OTUD5: variants seen among roughly 807,000 people sequenced by gnomAD.
OTUD5 encodes OTU deubiquitinase 5.
A neutral mutation model predicts 36.3 loss-of-function variants in OTUD5; 2 were observed. That is an observed-to-expected ratio of 0.06 (90% confidence interval 0.02 to 0.17). OTUD5 has a LOEUF of 0.17. OTUD5 is among the 10% of genes least tolerant of loss of function. The probability of loss-of-function intolerance (pLI) is 1.00; values close to 1 mark genes in which losing one functional copy is unlikely to be tolerated. For missense variants in OTUD5, 233 were observed against 512.3 expected, an observed-to-expected ratio of 0.45 and a Z score of 5.26; for synonymous variants, 234 against 214.9, an observed-to-expected ratio of 1.09 and a Z score of -0.78.
At position 48,934,446 on chromosome X, in the gene OTUD5, G is replaced by A. The variant is rs897861289; in HGVS notation, c.1059+18C>T. ...CCTCTATATCCAGCAGCCATTCTGG[G>A]CACAGGGACCCACTCACCCCTGGTT... On this transcript the variant is annotated intron_variant, in intron 5 of 8. Transcript: ENST00000376488. 7.5e-6 allele frequency: 9 copies of A among 1,202,575 alleles called. No homozygotes were observed. The South Asian group carries it at 1.6e-4, about 21-fold the overall frequency.
rs2063617811 is a variant in OTUD5 at position 48,923,699 on chromosome X, G to T, written c.1513C>A (p.Leu505Ile). 1.7e-6 allele frequency: 2 copies of T among 1,209,240 alleles called. No homozygotes were observed. The highest frequency in any genetic ancestry group is 5.9e-5 in the East Asian group (2 of 33,818). The change falls in exon 8 of 9, where the codon CTT (leucine) becomes ATT (isoleucine). Residue 505 changes from leucine to isoleucine, a missense_variant. Physicochemically the swap from Leu to Ile is conservative, Grantham distance 5. Coordinates refer to ENST00000376488, the MANE Select transcript of OTUD5 (RefSeq NM_001136157.2). ...TCCAAAGCAGGGTAGAGGGACACAAGGGGGGAAGTTGCCCGGTCGGCCCCT... is the reference window on the plus strand; with the variant it reads ...TCCAAAGCAGGGTAGAGGGACACAATGGGGGAAGTTGCCCGGTCGGCCCCT... ...SAGADRATSP[L>I]VSLYPALECR...
intron 2 of OTUD5, among the ~76,000 whole-genome samples, chrX:48,942,297 G>GACACAC: frequency 2.3e-5 from 1 of 44,016 alleles, no homozygotes; most frequent in African/African-American, 1.0e-4. Flanking sequence ...CAGCTAGCTA[G>GACACAC]ATACACACAC....
Position 48,934,692 on chromosome X carries a change from C to A in OTUD5, c.910+19G>T. On this transcript the variant is annotated intron_variant, in intron 4 of 8. Transcript: ENST00000376488. ...GAATGAGGCACCATCTTTCCCTCAC[C>A]TACCCACTGCAGAAGTACCTGTGCT... 1 of 1,205,836 alleles carries A rather than the reference C, an allele frequency of 8.3e-7. No individual in the cohort carries two copies. Among genetic ancestry groups the A allele is most frequent in the Non-Finnish European group, 1.1e-6 (1 of 891,834 alleles).
intron 2 of OTUD5, among the ~76,000 whole-genome samples, chrX:48,942,276 CACACAG>C (rs1419897389): frequency 9.3e-5 from 9 of 97,239 alleles, no homozygotes; most frequent in African/African-American, 3.1e-4. Context: ...CACACACACA[CACACAG>C]AGAACAGCTA....
At chrX:48,930,962 CAA>C (rs372046426) in intron 5 of OTUD5, among the ~76,000 whole-genome samples, 5 of 68,790 alleles carry the variant, frequency 7.3e-5, no homozygotes, top group Non-Finnish European at 5.9e-5. Context: ...AACTCCCTCT[CAA>C]AAAAAAAAAA....
At chrX:48,951,396 C>T (rs1569516474) in intron 1 of OTUD5, among the ~76,000 whole-genome samples, 5 of 111,535 alleles carry the variant, frequency 4.5e-5, no homozygotes, top group Non-Finnish European at 7.6e-5. Context: ...GGGCGGATCA[C>T]GAAGTCAGGA....
chrX:48,956,258 GAA>G (rs1405305524), intron 1 of OTUD5, among the ~76,000 whole-genome samples: 3 of 111,242 alleles, frequency 2.7e-5, no homozygotes, highest in Non-Finnish European at 5.7e-5. Context: ...ATCTCCCTGT[GAA>G]AAGTCTTACA....
chrX:48,957,889 G>A (rs1178355329), upstream of OTUD5: 2 of 684,760 alleles, frequency 2.9e-6, no homozygotes, highest in Non-Finnish European at 3.5e-6. Flanking sequence ...CTGCTTCAAA[G>A]GAAACAGAAC....
At chrX:48,957,990 GC>G (rs1224331347), upstream of OTUD5, 8 of 174,569 alleles carry the variant, frequency 4.6e-5, no homozygotes, top group Non-Finnish European at 6.4e-5. Context: ...CCAGGGCACA[GC>G]CCCGCCCCTT....
At chrX:48,926,853 T>C (rs1284021469) in intron 5 of OTUD5, among the ~76,000 whole-genome samples, 8 of 110,734 alleles carry the variant, frequency 7.2e-5, no homozygotes, top group Admixed American at 6.7e-4. Context: ...TGGTGTGGGG[T>C]GCTATGAGTT....
intron 5 of OTUD5, among the ~76,000 whole-genome samples, chrX:48,930,207 A>G (rs1435667820): frequency 8.9e-6 from 1 of 112,587 alleles, no homozygotes; most frequent in African/African-American, 3.2e-5. Context: ...TGTAACACCA[A>G]AGGCAAAAAA....
chrX:48,946,708 C>A (rs782657230), intron 1 of OTUD5, among the ~76,000 whole-genome samples: 1 of 112,677 alleles, frequency 8.9e-6, no homozygotes, highest in South Asian at 3.6e-4. Context: ...GGTCAGCCAT[C>A]TCCCAGAGTC....
At chrX:48,925,223 A>T (rs1432697802) in intron 6 of OTUD5, among the ~76,000 whole-genome samples, 3 of 98,232 alleles carry the variant, frequency 3.1e-5, no homozygotes, top group Non-Finnish European at 6.0e-5. Flanking sequence ...GCTTGCAGTG[A>T]GCCGAGACTG....
At chrX:48,937,056 CT>C (rs1204573774) in intron 2 of OTUD5, among the ~76,000 whole-genome samples, 1 of 111,839 alleles carries the variant, frequency 8.9e-6, no homozygotes, top group Non-Finnish European at 1.9e-5. Flanking sequence ...CTCCAGTCCT[CT>C]TGGAGGTGAA....
In OTUD5 at chrX:48,936,779, T is replaced by C. The variant is rs782079054; in HGVS notation, c.689-1761A>G. On this transcript the variant is annotated intron_variant, in intron 2 of 8. Coordinates refer to ENST00000376488, the MANE Select transcript of OTUD5 (RefSeq NM_001136157.2). Reference sequence around the variant, plus strand: ...CCAGGGAGCTCTTCTCCCTGTGAAATTAAAGTGGGCCTGAAGATCATGCAA... The same window carrying C: ...CCAGGGAGCTCTTCTCCCTGTGAAACTAAAGTGGGCCTGAAGATCATGCAA... Among the ~76,000 whole-genome samples the C allele has an allele frequency of 3.6e-5, 4 of 111,693 alleles. No homozygotes were observed. In the South Asian group the frequency reaches 1.5e-3, roughly 42 times the overall value.
At position 48,957,592 on chromosome X, in the gene OTUD5, C is replaced by A. The variant is rs782772133; in HGVS notation, c.-22G>T. On this transcript the variant is annotated 5_prime_UTR_variant, in exon 1 of 9. Transcript: ENST00000376488. ...TCATGGCTGCACTGCCGAGTACCCC[C>A]CAACAAACCCGGCGCGGGGCACGCC... The A allele has an allele frequency of 1.4e-5, 12 of 835,835 alleles. No individual in the cohort carries two copies. Among genetic ancestry groups the A allele is most frequent in the Non-Finnish European group, 1.8e-5 (12 of 683,149 alleles). The allele number at this position is 835,835 out of a possible 1,213,427, so 68.9% of individuals were successfully genotyped here.
intron 1 of OTUD5, 99 bp downstream of exon 1, chrX:48,956,878 G>A: frequency 7.7e-6 from 7 of 913,135 alleles, no homozygotes; most frequent in Non-Finnish European, 8.6e-6. Context: ...AAAACGCCTA[G>A]ATCCCTTGGG....
chrX:48,923,293 G>A lies in OTUD5; in HGVS notation c.1582C>T (p.Leu528=), dbSNP rs782558967. ...ATCTCATCATCATCCCAGTCATTCAGACCTGCTGGGCGAGAGGAAGAGGAA... is the reference window on the plus strand; with the variant it reads ...ATCTCATCATCATCCCAGTCATTCAAACCTGCTGGGCGAGAGGAAGAGGAA... ...IQQMSPSAFG[L]NDWDDDEILA... The change falls in exon 9 of 9, where the codon CTG becomes TTG. Residue 528 remains leucine, a splice_region_variant and synonymous_variant. Transcript: ENST00000376488. The A allele has an allele frequency of 8.3e-7, 1 of 1,203,224 alleles. No individual in the cohort carries two copies. The highest frequency in any genetic ancestry group is 3.0e-5 in the East Asian group (1 of 33,796).
In OTUD5 at chrX:48,929,313, C is replaced by T. The variant is rs181698738; in HGVS notation, c.1060-3263G>A. Among the ~76,000 whole-genome samples the T allele has an allele frequency of 3.0e-3, 322 of 109,152 alleles. 1 individual carries two copies. Among genetic ancestry groups the T allele is most frequent in the African/African-American group, 0.01 (308 of 29,934 alleles). The allele number at this position is 109,152 out of a possible 115,157, so 94.8% of individuals were successfully genotyped here. ...AGAGGCAAGAGAATCACTTGAACCACGGAGGCTGAGGTTGCAGTGAGCCGA... is the reference window on the plus strand; with the variant it reads ...AGAGGCAAGAGAATCACTTGAACCATGGAGGCTGAGGTTGCAGTGAGCCGA... On this transcript the variant is annotated intron_variant, in intron 5 of 8. Coordinates refer to ENST00000376488, the MANE Select transcript of OTUD5 (RefSeq NM_001136157.2).
Sources: gnomAD v4.1 joint callset for allele counts (sites outside exome capture counted in the v4.1 genomes callset) on GRCh38, gnomAD v4.1.1 for gene constraint, MANE v1.5 for transcripts, NCBI Gene and HGNC (gene_info 2026-07-23, HGNC 2026-07-21) for gene names.